The following CHRM3 variants were observed in gnomAD, a reference collection of about 807,000 sequenced individuals.
CHRM3 encodes the protein muscarinic acetylcholine receptor M3.
A neutral mutation model predicts 41.8 loss-of-function variants in CHRM3; 11 were observed. The observed-to-expected ratio is 0.26, with a 90% CI of 0.17 to 0.44. CHRM3 has a LOEUF of 0.44. CHRM3 is among the 20% of genes least tolerant of loss of function. CHRM3 has a pLI of 1.00. For synonymous variants in CHRM3, 297 were observed against 301.4 expected (o/e 0.99, Z 0.15); for missense variants, 571 against 745.4 (o/e 0.77, Z 2.72).
At chr1:239,457,003 C>A (rs1249612073) in intron 1 of CHRM3, among the ~76,000 whole-genome samples, 1 of 152,186 alleles carries the variant, frequency 6.6e-6, no homozygotes, top group African/African-American at 2.4e-5. Flanking sequence ...GTGTCTTAAG[C>A]CTCAGGCATT....
At chr1:239,758,809 G>A (rs1666451642) in intron 5 of CHRM3, among the ~76,000 whole-genome samples, 1 of 152,152 alleles carries the variant, frequency 6.6e-6, no homozygotes, top group Admixed American at 6.5e-5. Flanking sequence ...TGCAGCTATT[G>A]ATGAATTTCA....
At chr1:239,513,272 A>G (rs1282944905) in intron 2 of CHRM3, among the ~76,000 whole-genome samples, 1 of 152,094 alleles carries the variant, frequency 6.6e-6, no homozygotes, top group Non-Finnish European at 1.5e-5. Flanking sequence ...TGCCTTTTAA[A>G]ATTTTGTCTT....
At chr1:239,472,019 CTG>C in intron 1 of CHRM3, among the ~76,000 whole-genome samples, 1 of 152,036 alleles carries the variant, frequency 6.6e-6, no homozygotes, top group East Asian at 1.9e-4. Context: ...CTCCAATACT[CTG>C]AGAGTAACCA....
At chr1:239,692,492 A>T (rs1421748460) in intron 5 of CHRM3, among the ~76,000 whole-genome samples, 1 of 152,200 alleles carries the variant, frequency 6.6e-6, no homozygotes, top group Non-Finnish European at 1.5e-5. Context: ...ATAACATGAA[A>T]GGACCACAAG....
intron 5 of CHRM3, among the ~76,000 whole-genome samples, chr1:239,807,917 G>C (rs1406234792): frequency 6.6e-6 from 1 of 152,000 alleles, no homozygotes; most frequent in Non-Finnish European, 1.5e-5. Flanking sequence ...TTGCTGCTTG[G>C]TGGCTGCATC....
chr1:239,488,746 A>AGGG, intron 1 of CHRM3, among the ~76,000 whole-genome samples: 1 of 130,512 alleles, frequency 7.7e-6, no homozygotes, highest in African/African-American at 2.7e-5. Context: ...AAAAAAAAAA[A>AGGG]AAAAAGGGAA....
intron 2 of CHRM3, among the ~76,000 whole-genome samples, chr1:239,528,375 A>G (rs1670144941): frequency 6.6e-6 from 1 of 152,194 alleles, no homozygotes. Context: ...AATGCTTTCC[A>G]TGGATCCTTT....
At chr1:239,710,659 T>C (rs978647035) in intron 5 of CHRM3, among the ~76,000 whole-genome samples, 1 of 152,204 alleles carries the variant, frequency 6.6e-6, no homozygotes, top group Non-Finnish European at 1.5e-5. Context: ...ACAGAGAATT[T>C]AGTAACTATA....
intron 5 of CHRM3, chr1:239,720,162 C>T (rs1662819582): frequency 6.6e-6 from 1 of 151,974 alleles, no homozygotes; most frequent in Non-Finnish European, 1.5e-5. Context: ...AAAGGATTTA[C>T]ACGCTGCGTT....
intron 1 of CHRM3, among the ~76,000 whole-genome samples, chr1:239,428,569 A>T (rs1056429491): frequency 1.3e-5 from 2 of 152,230 alleles, no homozygotes; most frequent in Non-Finnish European, 2.9e-5. Flanking sequence ...AATAAAACGG[A>T]ATTTTTAAAA....
chr1:239,848,808 T>C (rs921792857), intron 6 of CHRM3, among the ~76,000 whole-genome samples: 15 of 152,310 alleles, frequency 9.8e-5, no homozygotes, highest in Admixed American at 5.2e-4. Flanking sequence ...TTATCAAGAA[T>C]AGATAAAATG....
intron 1 of CHRM3, among the ~76,000 whole-genome samples, chr1:239,451,668 T>C (rs1664564685): frequency 6.6e-6 from 1 of 152,172 alleles, no homozygotes; most frequent in African/African-American, 2.4e-5. Context: ...TAATAAGATA[T>C]TTTAAATATA....
intron 5 of CHRM3, among the ~76,000 whole-genome samples, chr1:239,764,562 G>A (rs1667051953): frequency 6.6e-6 from 1 of 152,174 alleles, no homozygotes; most frequent in African/African-American, 2.4e-5. Context: ...GAAACCCAAA[G>A]AGGTTTTAAA....
chr1:239,468,474 A>C (rs1423095773), intron 1 of CHRM3, among the ~76,000 whole-genome samples: 8 of 152,170 alleles, frequency 5.3e-5, no homozygotes, highest in Non-Finnish European at 1.5e-5. Context: ...GTTTGGCATT[A>C]TGTTTTTGGC....
chr1:239,515,716 A>T (rs1669223033), intron 2 of CHRM3, among the ~76,000 whole-genome samples: 1 of 152,222 alleles, frequency 6.6e-6, no homozygotes, highest in Non-Finnish European at 1.5e-5. Flanking sequence ...TTAAATGAAT[A>T]AAATGTGATG....
intron 1 of CHRM3, among the ~76,000 whole-genome samples, chr1:239,461,065 T>C (rs1237003948): frequency 6.6e-6 from 1 of 152,176 alleles, no homozygotes; most frequent in Non-Finnish European, 1.5e-5. Flanking sequence ...AGAGCCAACA[T>C]GACGGGGTCC....
intron 5 of CHRM3, among the ~76,000 whole-genome samples, chr1:239,744,413 A>C (rs1310621022): frequency 6.6e-6 from 1 of 152,118 alleles, no homozygotes; most frequent in African/African-American, 2.4e-5. Context: ...AATTTTAGGT[A>C]GGAATTTCAG....
At chr1:239,751,395 C>T (rs778481866) in intron 5 of CHRM3, among the ~76,000 whole-genome samples, 67 of 152,024 alleles carry the variant, frequency 4.4e-4, no homozygotes, top group Non-Finnish European at 7.6e-4. Context: ...GGGGAAAATA[C>T]GAGCAAAATT....
At chr1:239,418,563 T>C (rs1199249730) in intron 1 of CHRM3, among the ~76,000 whole-genome samples, 2 of 152,212 alleles carry the variant, frequency 1.3e-5, no homozygotes, top group Non-Finnish European at 2.9e-5. Context: ...TCAATATTCA[T>C]GTTTTGGGGA....
Sources: allele counts gnomAD v4.1 joint callset (sites outside exome capture counted in the v4.1 genomes callset), GRCh38; gene constraint gnomAD v4.1.1; transcripts MANE v1.5; gene names NCBI Gene and HGNC (gene_info 2026-07-23, HGNC 2026-07-21).